The following MATN4 variants were observed in gnomAD, a reference collection of about 807,000 sequenced individuals.
MATN4 encodes the protein matrilin 4.
A neutral mutation model predicts 54.6 loss-of-function variants in MATN4; 40 were observed. The observed-to-expected ratio is 0.73, with a 90% confidence interval of 0.57 to 0.95. The LOEUF (loss-of-function observed/expected upper bound fraction) is 0.95, where lower values mean the gene tolerates loss of function less well. Among genes scored for constraint, MATN4 ranks in the 40% least tolerant of loss-of-function variants. The pLI, the probability that MATN4 is intolerant of heterozygous loss-of-function variation, is 0.00. For missense variants in MATN4, 810 were observed against 819.1 expected (o/e 0.99, Z 0.13); for synonymous variants, 351 against 345.3 (o/e 1.02, Z -0.18).
chr20:45,308,034 G>A, intron 1 of MATN4, 141 bp downstream of exon 1: 1 of 701,028 alleles, frequency 1.4e-6, no homozygotes, highest in Non-Finnish European at 2.5e-6. Context: ...GATTTGGAAA[G>A]GACCCTGCAG....
rs1359835047 is a variant in MATN4 at position 45,298,443 on chromosome 20, C to A, written c.1153G>T (p.Gly385Trp). The A allele has an allele frequency of 1.2e-6, 2 of 1,613,708 alleles. No homozygotes were observed. The highest frequency in any genetic ancestry group is 1.7e-6 in the Non-Finnish European group (2 of 1,180,008). The change falls in exon 7 of 10, where the codon GGG becomes TGG. Residue 385 changes from glycine to tryptophan, a missense_variant. Coordinates refer to ENST00000372756, the MANE Select transcript of MATN4 (RefSeq NM_001393530.1). This position sits in a 1 kb window ranked among gnomAD's most constrained non-coding sequence, Gnocchi z 4.6. Reference sequence around the variant, plus strand: ...ACGCGGCTCGAGAACTGCACCAGCCCCACCCGCGTGCCCTCGGGGGACACA... The same window carrying A: ...ACGCGGCTCGAGAACTGCACCAGCCACACCCGCGTGCCCTCGGGGGACACA... ...LDVSPEGTRV[G>W]LVQFSSRVRT...
At chr20:45,305,192 G>A (rs995207847) in intron 2 of MATN4, among the ~76,000 whole-genome samples, 2 of 152,232 alleles carry the variant, frequency 1.3e-5, no homozygotes, top group Non-Finnish European at 2.9e-5. Flanking sequence ...CTGCGAATTG[G>A]ATGTCAGCAG....
At position 45,308,088 on chromosome 20, in the gene MATN4, G is replaced by A. The variant is rs1986891984; in HGVS notation, c.-35+87C>T. ...CAAATCAGATAGGGCACCCTAGGCA[G>A]CGTCTCTGCTAAAATACACTCGCCT... is the stretch of plus-strand genomic sequence containing the variant. On this transcript the variant is annotated intron_variant, in intron 1 of 9. Coordinates refer to ENST00000372756, the MANE Select transcript of MATN4 (RefSeq NM_001393530.1). 3 of 1,274,670 alleles carry A rather than the reference G, an allele frequency of 2.4e-6. No homozygotes were observed. In the African/African-American group the frequency reaches 4.4e-5, roughly 19 times the overall value. 79.0% of individuals were successfully genotyped at this position (1,274,670 alleles called of 1,614,324 possible). A position where few individuals can be genotyped will look rare whatever the true frequency, so the allele number is the denominator to read the frequency against.
At chr20:45,294,609 A>T (rs573185501) in intron 8 of MATN4, among the ~76,000 whole-genome samples, 1 of 152,376 alleles carries the variant, frequency 6.6e-6, no homozygotes, top group Non-Finnish European at 1.5e-5. Flanking sequence ...TATTTTAATC[A>T]ATTGTAATTA....
At chr20:45,300,661 A>G (rs1452558489) in intron 6 of MATN4, among the ~76,000 whole-genome samples, 1 of 152,168 alleles carries the variant, frequency 6.6e-6, no homozygotes, top group Non-Finnish European at 1.5e-5. Flanking sequence ...TGCACAAAGG[A>G]GGAATGTGAT....
intron 6 of MATN4, 27 bp downstream of exon 6, chr20:45,300,860 C>T (rs1381233166): frequency 6.2e-7 from 1 of 1,610,550 alleles, no homozygotes; most frequent in Non-Finnish European, 8.5e-7. Context: ...CAGAAGCCAA[C>T]AGAACACCCT....
intron 8 of MATN4, among the ~76,000 whole-genome samples, chr20:45,297,325 GCA>G (rs1403527084): frequency 3.3e-5 from 5 of 151,816 alleles, no homozygotes; most frequent in Admixed American, 3.3e-4. Context: ...ACAGTACACT[GCA>G]TGCGATTCAA....
At chr20:45,294,218 T>C (rs1379241970) in intron 8 of MATN4, among the ~76,000 whole-genome samples, 1 of 152,164 alleles carries the variant, frequency 6.6e-6, no homozygotes, top group Non-Finnish European at 1.5e-5. Flanking sequence ...AAAATGGATA[T>C]AATGAAAGAG....
chr20:45,293,524 G>A lies in MATN4; in HGVS notation c.*243C>T. The A allele has an allele frequency of 2.1e-6, 1 of 465,754 alleles. No homozygotes were observed. Among genetic ancestry groups the A allele is most frequent in the Non-Finnish European group, 3.8e-6 (1 of 266,296 alleles). 28.9% of individuals were successfully genotyped at this position (465,754 alleles called of 1,614,324 possible). Reference sequence around the variant, plus strand: ...CAAAGAACTGAGCGCAGCACGCGGCGAGGGCGTGCCGGTCTAGCACGTGCC... The same window carrying A: ...CAAAGAACTGAGCGCAGCACGCGGCAAGGGCGTGCCGGTCTAGCACGTGCC... On this transcript the variant is annotated 3_prime_UTR_variant, in exon 10 of 10. Coordinates refer to ENST00000372756, the MANE Select transcript of MATN4 (RefSeq NM_001393530.1).
At chr20:45,297,250 G>A (rs1254122745) in intron 8 of MATN4, among the ~76,000 whole-genome samples, 1 of 152,004 alleles carries the variant, frequency 6.6e-6, no homozygotes, top group Non-Finnish European at 1.5e-5. Context: ...TCTTAAGCCT[G>A]GGCTAGTGTC....
chr20:45,307,309 G>A (rs891140256), intron 1 of MATN4, among the ~76,000 whole-genome samples: 5 of 152,286 alleles, frequency 3.3e-5, no homozygotes, highest in African/African-American at 7.2e-5. Context: ...TTCTGAGCGA[G>A]GCCAGTGCCT....
chr20:45,293,865 C>T (rs745888758), intron 9 of MATN4, 40 bp from the exon 10 acceptor site: 1 of 1,608,518 alleles, frequency 6.2e-7, no homozygotes, highest in Non-Finnish European at 8.5e-7. Context: ...GCCGAGGTCC[C>T]TTCACTTTCC....
rs922571145 is a variant in MATN4, at chr20:45,303,571, G to A, written c.643+657C>T. On this transcript the variant is annotated intron_variant, in intron 3 of 9. Transcript: ENST00000372756. ...AGATGGGCAGAAGCCTCCAACAAGAGAGAGCTGGATGGGGATGGGGTCAGA... is the reference window on the plus strand; with the variant it reads ...AGATGGGCAGAAGCCTCCAACAAGAAAGAGCTGGATGGGGATGGGGTCAGA... The A allele has an allele frequency of 1.0e-5, 7 of 670,736 alleles. No homozygotes were observed. The African/African-American group carries it at 1.2e-4, about 12-fold the overall frequency. The allele number at this position is 670,736 out of a possible 1,614,324, so 41.5% of individuals were successfully genotyped here.
At position 45,293,528 on chromosome 20, in the gene MATN4, G is replaced by A. The variant is rs1985601339; in HGVS notation, c.*239C>T. On this transcript the variant is annotated 3_prime_UTR_variant, in exon 10 of 10. Transcript: ENST00000372756. ...GAACTGAGCGCAGCACGCGGCGAGG[G>A]CGTGCCGGTCTAGCACGTGCCCCTT... The A allele has an allele frequency of 4.2e-6, 2 of 472,010 alleles. No homozygotes were observed. Among genetic ancestry groups the A allele is most frequent in the South Asian group, 8.0e-5 (2 of 25,086 alleles). The allele number at this position is 472,010 out of a possible 1,614,324, so 29.2% of individuals were successfully genotyped here. A position where few individuals can be genotyped will look rare whatever the true frequency, so the allele number is the denominator to read the frequency against.
At position 45,301,012 on chromosome 20, in the gene MATN4, G is replaced by A; in HGVS notation, c.890-3C>T. 1 of 1,614,104 alleles carries A rather than the reference G, an allele frequency of 6.2e-7. No individual in the cohort carries two copies. The highest frequency in any genetic ancestry group is 2.2e-5 in the East Asian group (1 of 44,872). Reference sequence around the variant, plus strand: ...CACGCCATTGCAAAGGTCCCGGACTGAAAGGAGAGACAGGTCAGGATGAGT... The same window carrying A: ...CACGCCATTGCAAAGGTCCCGGACTAAAAGGAGAGACAGGTCAGGATGAGT... On this transcript the variant is annotated splice_region_variant and splice_polypyrimidine_tract_variant and intron_variant, in intron 5 of 9. Transcript: ENST00000372756.
intron 1 of MATN4, 46 bp downstream of exon 1, chr20:45,308,129 C>T: frequency 6.3e-7 from 1 of 1,594,828 alleles, no homozygotes; most frequent in Non-Finnish European, 8.6e-7. Context: ...GGCTTGATGC[C>T]TACTCCCCTG....
chr20:45,299,769 T>A (rs933890454), intron 6 of MATN4, among the ~76,000 whole-genome samples: 2 of 149,300 alleles, frequency 1.3e-5, no homozygotes, highest in African/African-American at 5.0e-5. Flanking sequence ...TCTCAGCTAC[T>A]CCAGAGGCTG....
intron 8 of MATN4, 51 bp downstream of exon 8, chr20:45,297,867 C>T: frequency 6.2e-7 from 1 of 1,604,902 alleles, no homozygotes; most frequent in South Asian, 1.1e-5. Flanking sequence ...GGGGAGATAT[C>T]AGAGGACGGG....
intron 3 of MATN4, among the ~76,000 whole-genome samples, chr20:45,302,234 T>A (rs182004389): frequency 2.6e-5 from 4 of 152,050 alleles, no homozygotes; most frequent in Admixed American, 2.6e-4. Flanking sequence ...TTTCCAGAGG[T>A]CTTGGAGAGA....
Sources: allele counts gnomAD v4.1 joint callset (sites outside exome capture counted in the v4.1 genomes callset), GRCh38; gene constraint gnomAD v4.1.1; non-coding constraint Gnocchi (gnomAD v3.1); transcripts MANE v1.5; gene names NCBI Gene and HGNC (gene_info 2026-07-23, HGNC 2026-07-21).